Variants in DIPK1A observed in about 807,000 individuals in gnomAD.
DIPK1A encodes the protein family with sequence similarity 69 member A.
DIPK1A carries 27 observed loss-of-function variants against 40.8 expected under a neutral mutation model. The ratio of observed to expected loss-of-function variants is 0.66; its 90% confidence interval spans 0.49 to 0.91. The LOEUF (loss-of-function observed/expected upper bound fraction) is 0.91, where lower values mean the gene tolerates loss of function less well. DIPK1A is among the 40% of genes least tolerant of loss of function. The pLI, the probability that DIPK1A is intolerant of heterozygous loss-of-function variation, is 0.00. For missense variants in DIPK1A, 412 were observed against 505.7 expected (o/e 0.81, Z 1.78); for synonymous variants, 166 against 171.3 (o/e 0.97, Z 0.24).
Position 92,843,838 on chromosome 1 carries a change from AT to A in DIPK1A, c.831del (p.Glu277AspfsTer24), listed in dbSNP as rs1394259575. Reference sequence around the variant, plus strand: ...GGGCCATGGAAAACATCTTCCACAAATTCTAGAAGTCCTATGGCTATTTTGG... The same window carrying A: ...GGGCCATGGAAAACATCTTCCACAAATCTAGAAGTCCTATGGCTATTTTGG... ...RKAKIAIGLL[E>X]FVEDVFHGPY... On this transcript the variant is annotated frameshift_variant, in exon 5 of 5. Transcript: ENST00000370310. LOFTEE classifies it high-confidence loss of function. The A allele has an allele frequency of 1.3e-6, 2 of 1,551,720 alleles. No individual in the cohort carries two copies. Among genetic ancestry groups the A allele is most frequent in the Non-Finnish European group, 1.7e-6 (2 of 1,147,036 alleles).
chr1:92,833,019 AT>A lies in DIPK1A; in HGVS notation c.489del (p.Ter163TyrfsTer16). 2.7e-6 allele frequency: 2 copies of A among 742,070 alleles called. No individual in the cohort carries two copies. Among genetic ancestry groups the A allele is most frequent in the Non-Finnish European group, 4.9e-6 (2 of 405,262 alleles). 46.0% of individuals were successfully genotyped at this position (742,070 alleles called of 1,614,324 possible). A position where few individuals can be genotyped will look rare whatever the true frequency, so the allele number is the denominator to read the frequency against. ...CAGTGCTTCGCAAAAGTTTGGCACA[AT>A]TACCGGTGCTGGTCCTTGAAGAAAC... On this transcript the variant is annotated frameshift_variant and stop_lost, in exon 5 of 5. Transcript: ENST00000615519. LOFTEE classifies it high-confidence loss of function.
chr1:92,834,353 T>TA (rs992894108), intron 4 of DIPK1A, among the ~76,000 whole-genome samples: 9 of 152,250 alleles, frequency 5.9e-5, no homozygotes, highest in African/African-American at 2.2e-4. Context: ...GCTCTTGTAC[T>TA]AAGAGCATTC....
At chr1:92,856,706 T>C (rs1220912972) in intron 2 of DIPK1A, among the ~76,000 whole-genome samples, 9 of 152,016 alleles carry the variant, frequency 5.9e-5, no homozygotes, top group Admixed American at 2.6e-4. Flanking sequence ...CGTGAACCAC[T>C]GCGCCAGGTC....
chr1:92,859,756 T>G (rs1026798905), intron 2 of DIPK1A, among the ~76,000 whole-genome samples: 11 of 152,186 alleles, frequency 7.2e-5, no homozygotes, highest in African/African-American at 2.7e-4. Context: ...AGGCTGGAAG[T>G]GCAGTGGCAT....
intron 1 of DIPK1A, among the ~76,000 whole-genome samples, chr1:92,926,695 A>G (rs1476873551): frequency 2.0e-5 from 3 of 152,342 alleles, no homozygotes; most frequent in Middle Eastern, 3.4e-3. Context: ...CTAATTAGGC[A>G]TACATACATT....
rs1571158856 is a variant in DIPK1A, at chr1:92,959,152, G to T, written c.54+2224C>A. ...ATTAAAAAAATTAGCTGGGCATGGT[G>T]GTGTGCGCCTGTAGTCCCAGCTTCT... On this transcript the variant is annotated intron_variant, in intron 1 of 4. Coordinates refer to ENST00000370310, the MANE Select transcript of DIPK1A (RefSeq NM_001006605.5). Among the ~76,000 whole-genome samples, 3 of 152,156 alleles carry T rather than the reference G, an allele frequency of 2.0e-5. No individual in the cohort carries two copies. In the East Asian group the frequency reaches 5.8e-4, roughly 29 times the overall value.
intron 1 of DIPK1A, chr1:92,877,081 T>G: frequency 2.0e-6 from 2 of 985,154 alleles, no homozygotes; most frequent in Non-Finnish European, 2.4e-6. Context: ...TAAGATATAT[T>G]AAAAATAAGT....
At chr1:92,948,201 G>A (rs1349529192) in intron 1 of DIPK1A, among the ~76,000 whole-genome samples, 2 of 152,126 alleles carry the variant, frequency 1.3e-5, no homozygotes, top group Non-Finnish European at 2.9e-5. Context: ...AAGTAAAAGT[G>A]TAGCTGACAG....
At chr1:92,850,104 AGAAC>A (rs1687764904) in intron 3 of DIPK1A, among the ~76,000 whole-genome samples, 1 of 151,572 alleles carries the variant, frequency 6.6e-6, no homozygotes, top group African/African-American at 2.4e-5. Flanking sequence ...CTGAGTAGCT[AGAAC>A]CACAGGTGTG....
chr1:92,859,862 C>G (rs1346110814), intron 2 of DIPK1A, among the ~76,000 whole-genome samples: 1 of 152,146 alleles, frequency 6.6e-6, no homozygotes, highest in Non-Finnish European at 1.5e-5. Context: ...TGCCACCACC[C>G]TGGCTAATTT....
intron 2 of DIPK1A, among the ~76,000 whole-genome samples, chr1:92,861,226 C>A (rs1444796125): frequency 6.6e-6 from 1 of 151,836 alleles, no homozygotes; most frequent in Non-Finnish European, 1.5e-5. Flanking sequence ...AAGAAAGTTC[C>A]CTCCTATTCT....
At chr1:92,838,385 T>G (rs1301603362), downstream of DIPK1A, among the ~76,000 whole-genome samples, 1 of 152,200 alleles carries the variant, frequency 6.6e-6, no homozygotes, top group Non-Finnish European at 1.5e-5. Context: ...AAGAGGTCAT[T>G]TACTTTTGGA....
chr1:92,879,299 G>C (rs1279183081), intron 1 of DIPK1A, among the ~76,000 whole-genome samples: 1 of 152,182 alleles, frequency 6.6e-6, no homozygotes, highest in African/African-American at 2.4e-5. Flanking sequence ...AAGAATGACA[G>C]TATACTTGAT....
At chr1:92,917,607 C>T (rs1344381134) in intron 1 of DIPK1A, among the ~76,000 whole-genome samples, 1 of 152,162 alleles carries the variant, frequency 6.6e-6, no homozygotes, top group East Asian at 1.9e-4. Flanking sequence ...GATTAAAACA[C>T]ACCTCCTCCT....
At position 92,951,820 on chromosome 1, in the gene DIPK1A, A is replaced by G. The variant is rs1651643523; in HGVS notation, c.54+9556T>C. Among the ~76,000 whole-genome samples, 4 of 152,054 alleles carry G rather than the reference A, an allele frequency of 2.6e-5. No individual in the cohort carries two copies. The South Asian group carries it at 8.3e-4, about 32-fold the overall frequency. ...TACAGAAAATTTAAAAGACTAATAC[A>G]ATGAATACTCTTATACCCTATACCT... On this transcript the variant is annotated intron_variant, in intron 1 of 4. Coordinates refer to ENST00000370310, the MANE Select transcript of DIPK1A (RefSeq NM_001006605.5).
At chr1:92,836,163 C>T in intron 4 of DIPK1A, 1 of 1,594,728 alleles carries the variant, frequency 6.3e-7, no homozygotes, top group Admixed American at 1.7e-5. Flanking sequence ...TAATTGAAAC[C>T]AGCATTTACA....
At chr1:92,926,578 AGTT>A (rs1449454535) in intron 1 of DIPK1A, among the ~76,000 whole-genome samples, 2 of 152,210 alleles carry the variant, frequency 1.3e-5, no homozygotes, top group Non-Finnish European at 2.9e-5. Context: ...CTTTTGGCTT[AGTT>A]GTTCTACTAA....
chr1:92,900,801 G>A (rs778107030), intron 1 of DIPK1A, among the ~76,000 whole-genome samples: 24 of 151,912 alleles, frequency 1.6e-4, no homozygotes, highest in Non-Finnish European at 3.1e-4. Context: ...GACCCAAGCT[G>A]CTAAAAGGTA....
At chr1:92,940,102 TAGAG>T (rs1455420713) in intron 1 of DIPK1A, among the ~76,000 whole-genome samples, 1 of 152,140 alleles carries the variant, frequency 6.6e-6, no homozygotes, top group Middle Eastern at 3.2e-3. Context: ...CAAGCATATA[TAGAG>T]ATTTTCCATA....
Sources: gnomAD v4.1 joint callset for allele counts (sites outside exome capture counted in the v4.1 genomes callset) on GRCh38, gnomAD v4.1.1 for gene constraint, MANE v1.5 for transcripts, NCBI Gene and HGNC (gene_info 2026-07-23, HGNC 2026-07-21) for gene names.